The following YY1 variants were observed in gnomAD, a reference collection of about 807,000 sequenced individuals.
YY1 encodes YY1 transcription factor.
YY1 carries 2 observed loss-of-function variants against 35.6 expected under a neutral mutation model. That is an observed-to-expected ratio of 0.06 (90% CI 0.02 to 0.18). The LOEUF is 0.18. Ranked by LOEUF, YY1 falls within the 10% of genes least tolerant of loss-of-function variation. YY1 has a pLI of 1.00. For missense variants in YY1, 322 were observed against 573.4 expected, an observed-to-expected ratio of 0.56 and a Z score of 4.48; for synonymous variants, 268 against 238.9, an observed-to-expected ratio of 1.12 and a Z score of -1.12.
chr14:100,244,198 C>T (rs1284326459), intron 1 of YY1, among the ~76,000 whole-genome samples: 1 of 151,926 alleles, frequency 6.6e-6, no homozygotes, highest in Non-Finnish European at 1.5e-5. Flanking sequence ...TTTAATTTCC[C>T]ACAGTAAGAG....
intron 1 of YY1, among the ~76,000 whole-genome samples, chr14:100,244,348 C>T (rs1253439582): frequency 4.4e-5 from 3 of 67,702 alleles, no homozygotes; most frequent in African/African-American, 6.9e-5. Flanking sequence ...TTTTTTGAGA[C>T]AGGGGTCTCA....
At chr14:100,250,158 A>C (rs114839229) in intron 1 of YY1, among the ~76,000 whole-genome samples, 387 of 152,276 alleles carry the variant, frequency 2.5e-3, no homozygotes, top group African/African-American at 8.6e-3. Flanking sequence ...CCTTAAAGAT[A>C]TTGTTTGGAT....
chr14:100,269,694 T>C (rs1405505381), intron 2 of YY1, among the ~76,000 whole-genome samples: 1 of 152,194 alleles, frequency 6.6e-6, no homozygotes, highest in Non-Finnish European at 1.5e-5. Flanking sequence ...TGCCACTCTG[T>C]GTGAAGGAGG....
At chr14:100,255,889 A>G (rs1890998298) in intron 1 of YY1, among the ~76,000 whole-genome samples, 1 of 152,286 alleles carries the variant, frequency 6.6e-6, no homozygotes, top group South Asian at 2.1e-4. Context: ...TCTTAATATT[A>G]GAATTGTTCA....
chr14:100,274,589 T>C (rs565191306), intron 2 of YY1, 109 bp from the exon 3 acceptor site: 1 of 882,380 alleles, frequency 1.1e-6, no homozygotes, highest in African/African-American at 1.7e-5. Flanking sequence ...TGTATCATAA[T>C]TTTAGTTTGG....
intron 1 of YY1, 106 bp from the exon 2 acceptor site, chr14:100,262,198 C>A: frequency 1.7e-6 from 2 of 1,208,446 alleles, no homozygotes; most frequent in Non-Finnish European, 1.2e-6. Flanking sequence ...ACAAATTGAG[C>A]TGGTGGCTAT....
chr14:100,255,600 G>C (rs1890994162), intron 1 of YY1, among the ~76,000 whole-genome samples: 1 of 152,156 alleles, frequency 6.6e-6, no homozygotes, highest in Non-Finnish European at 1.5e-5. Context: ...ACCTGGGGGG[G>C]ACAGAGCGAG....
intron 2 of YY1, 97 bp downstream of exon 2, chr14:100,262,563 T>G: frequency 7.6e-7 from 1 of 1,314,568 alleles, no homozygotes; most frequent in Non-Finnish European, 1.1e-6. Flanking sequence ...GTGGTTTGTA[T>G]TCTTTCTCTA....
At chr14:100,271,695 G>T (rs947848040) in intron 2 of YY1, among the ~76,000 whole-genome samples, 4 of 151,750 alleles carry the variant, frequency 2.6e-5, no homozygotes, top group Admixed American at 1.3e-4. Context: ...TTGAAACAAG[G>T]TCTCGTTCTG....
chr14:100,258,528 TGA>T (rs1348629763), intron 1 of YY1, among the ~76,000 whole-genome samples: 4 of 152,188 alleles, frequency 2.6e-5, no homozygotes, highest in Non-Finnish European at 5.9e-5. Flanking sequence ...GTAGACTTCA[TGA>T]GTTTTTTGTA....
rs564581322 is a variant in YY1, at chr14:100,241,492, CTAAT to C, written c.679+1570_679+1573del. On this transcript the variant is annotated intron_variant, in intron 1 of 4. Coordinates refer to ENST00000262238, the MANE Select transcript of YY1 (RefSeq NM_003403.5). The stretch of plus-strand genomic sequence containing the variant: ...AAAGGGATCTAGGAGCTGTCAAAAT[CTAAT>C]AGGAAGGTGCTAACAGGCGCTGTCC... 6.6e-5 allele frequency among the ~76,000 whole-genome samples: 10 copies of C among 152,232 alleles called. No individual in the cohort carries two copies. The South Asian group carries it at 2.1e-3, about 32-fold the overall frequency.
intron 2 of YY1, among the ~76,000 whole-genome samples, chr14:100,268,252 C>T (rs1891183221): frequency 1.3e-5 from 2 of 152,212 alleles, no homozygotes; most frequent in Admixed American, 1.3e-4. Context: ...CAGGCTCATG[C>T]TGCACTCAGC....
At chr14:100,275,121 T>G (rs1026894495) in intron 3 of YY1, among the ~76,000 whole-genome samples, 2 of 152,218 alleles carry the variant, frequency 1.3e-5, no homozygotes, top group African/African-American at 2.4e-5. Flanking sequence ...ATTTTGGATG[T>G]TGCTAAAATA....
At chr14:100,241,138 G>C (rs1595310803) in intron 1 of YY1, among the ~76,000 whole-genome samples, 2 of 152,280 alleles carry the variant, frequency 1.3e-5, no homozygotes, top group Admixed American at 6.5e-5. Context: ...ATATTCATAT[G>C]CTACCTAGCT....
intron 1 of YY1, among the ~76,000 whole-genome samples, chr14:100,257,876 C>T (rs532434514): frequency 1.3e-5 from 2 of 152,312 alleles, no homozygotes; most frequent in South Asian, 4.1e-4. Context: ...ACATGGCCCA[C>T]ACCTGTAATC....
rs189061079 is a variant in YY1, at chr14:100,277,617, C to G, written c.*17C>G. 77 of 1,612,874 alleles carry G rather than the reference C, an allele frequency of 4.8e-5. 1 individual carries two copies. The Admixed American group carries it at 1.2e-3, about 25-fold the overall frequency. ...AACCAGTGAAAAGAAGAGAGAAGAC[C>G]CTTCTCGACCACGGGAAGCATCTTC... On this transcript the variant is annotated 3_prime_UTR_variant, in exon 5 of 5. Coordinates refer to ENST00000262238, the MANE Select transcript of YY1 (RefSeq NM_003403.5). This position sits in a 1 kb window ranked among gnomAD's most constrained non-coding sequence, Gnocchi z 5.6.
At chr14:100,255,431 C>A (rs1408459000) in intron 1 of YY1, among the ~76,000 whole-genome samples, 1 of 151,956 alleles carries the variant, frequency 6.6e-6, no homozygotes, top group African/African-American at 2.4e-5. Flanking sequence ...CCAGCCTGGC[C>A]AACATGGTGA....
At position 100,276,134 on chromosome 14, in the gene YY1, T is replaced by G; in HGVS notation, c.904-356T>G. On this transcript the variant is annotated intron_variant, in intron 3 of 4. Coordinates refer to ENST00000262238, the MANE Select transcript of YY1 (RefSeq NM_003403.5). This position sits in a 1 kb window ranked among gnomAD's most constrained non-coding sequence, Gnocchi z 4.1. ...GCTTAGCAGTGCTTCTGTTACTTCA[T>G]TTTGGGGGACATAGTCGGGTGAGGT... The G allele has an allele frequency of 3.0e-6, 1 of 337,640 alleles. No individual in the cohort carries two copies. Among genetic ancestry groups the G allele is most frequent in the Non-Finnish European group, 5.7e-6 (1 of 175,642 alleles). The allele number at this position is 337,640 out of a possible 1,614,324, so 20.9% of individuals were successfully genotyped here.
At chr14:100,249,477 G>T (rs1469710264) in intron 1 of YY1, among the ~76,000 whole-genome samples, 3 of 152,054 alleles carry the variant, frequency 2.0e-5, no homozygotes, top group African/African-American at 7.3e-5. Flanking sequence ...AGGGAAAGGG[G>T]CTGCCATTGC....
Sources: allele counts gnomAD v4.1 joint callset (sites outside exome capture counted in the v4.1 genomes callset), GRCh38; gene constraint gnomAD v4.1.1; non-coding constraint Gnocchi (gnomAD v3.1); transcripts MANE v1.5; gene names NCBI Gene and HGNC (gene_info 2026-07-23, HGNC 2026-07-21).